GRIK2: variants seen among roughly 807,000 people sequenced by gnomAD.
GRIK2 encodes glutamate ionotropic receptor kainate type subunit 2, also known as glutamate receptor ionotropic, kainate 2.
A neutral mutation model predicts 100.3 loss-of-function variants in GRIK2; 32 were observed. The ratio of observed to expected loss-of-function variants is 0.32; its 90% confidence interval spans 0.24 to 0.43. The LOEUF is 0.43. GRIK2 is among the 20% of genes least tolerant of loss of function. The pLI is 1.00. For missense variants in GRIK2, 843 were observed against 1,114.9 expected (o/e 0.76, Z 3.47); for synonymous variants, 417 against 389.4 (o/e 1.07, Z -0.83).
intron 5 of GRIK2, among the ~76,000 whole-genome samples, chr6:101,679,958 T>G (rs563095442): frequency 6.6e-5 from 10 of 152,310 alleles, no homozygotes; most frequent in Admixed American, 6.5e-4. Flanking sequence ...CAGGCTGGTC[T>G]TGAAATCCTG....
intron 14 of GRIK2, among the ~76,000 whole-genome samples, chr6:101,984,055 A>AACTT (rs1363320650): frequency 6.6e-6 from 1 of 151,792 alleles, no homozygotes; most frequent in Admixed American, 6.6e-5. Context: ...CTTTCAAAAA[A>AACTT]ACTTATGTGC....
chr6:101,791,871 C>CT (rs892904154), intron 7 of GRIK2, among the ~76,000 whole-genome samples: 4 of 151,580 alleles, frequency 2.6e-5, no homozygotes, highest in African/African-American at 9.8e-5. Flanking sequence ...TCAGGACTTG[C>CT]TTTATGAATC....
chr6:101,759,681 A>T (rs73761412), intron 7 of GRIK2, among the ~76,000 whole-genome samples: 9,408 of 152,022 alleles, frequency 0.062, 349 homozygotes, highest in Middle Eastern at 0.11. Context: ...ACCAGCCAAC[A>T]TTTAATATTA....
At chr6:101,530,729 C>T (rs1775401197) in intron 2 of GRIK2, among the ~76,000 whole-genome samples, 2 of 151,894 alleles carry the variant, frequency 1.3e-5, no homozygotes, top group Non-Finnish European at 2.9e-5. Context: ...TGGTGACTGA[C>T]ACTGGAATTA....
At chr6:101,892,363 G>A (rs1364414399) in intron 12 of GRIK2, among the ~76,000 whole-genome samples, 2 of 152,058 alleles carry the variant, frequency 1.3e-5, no homozygotes, top group Non-Finnish European at 2.9e-5. Flanking sequence ...CATATGGATG[G>A]ATATGCACTT....
intron 14 of GRIK2, among the ~76,000 whole-genome samples, chr6:101,997,907 AAAAAAT>A (rs1794734106): frequency 1.3e-5 from 2 of 152,246 alleles, no homozygotes; most frequent in South Asian, 4.1e-4. Context: ...CAAGTAACTA[AAAAAAT>A]CTGCTTTATT....
At chr6:101,968,145 A>C (rs965090417) in intron 14 of GRIK2, among the ~76,000 whole-genome samples, 1 of 152,060 alleles carries the variant, frequency 6.6e-6, no homozygotes, top group Admixed American at 6.6e-5. Flanking sequence ...TTAAAAAAAA[A>C]CCATGCATCT....
intron 2 of GRIK2, among the ~76,000 whole-genome samples, chr6:101,401,017 T>G (rs7771786): frequency 0.14 from 21,306 of 152,158 alleles, 2,085 homozygotes; most frequent in African/African-American, 0.27. Context: ...TGTGTGTTTT[T>G]TGTGTGTGTG....
At chr6:101,412,320 T>C (rs1046846026) in intron 2 of GRIK2, among the ~76,000 whole-genome samples, 1 of 152,122 alleles carries the variant, frequency 6.6e-6, no homozygotes, top group Admixed American at 6.6e-5. Context: ...TATTGATATC[T>C]AAGTGTTTTC....
intron 7 of GRIK2, among the ~76,000 whole-genome samples, chr6:101,776,398 A>G (rs907810805): frequency 2.0e-5 from 3 of 152,192 alleles, no homozygotes; most frequent in Non-Finnish European, 4.4e-5. Flanking sequence ...TAAAGAGTAA[A>G]TAATTATGCA....
intron 16 of GRIK2, among the ~76,000 whole-genome samples, chr6:102,063,021 AAATT>A (rs1465065577): frequency 1.3e-5 from 2 of 150,672 alleles, no homozygotes; most frequent in African/African-American, 4.8e-5. Flanking sequence ...ATAGAGTCAG[AAATT>A]AATTGGAGAG....
At chr6:102,007,721 T>C (rs1051567641) in intron 14 of GRIK2, among the ~76,000 whole-genome samples, 1 of 152,202 alleles carries the variant, frequency 6.6e-6, no homozygotes, top group African/African-American at 2.4e-5. Flanking sequence ...TTTATATAAA[T>C]ACAAATTGCA....
At chr6:101,434,585 T>C (rs1215698781) in intron 2 of GRIK2, among the ~76,000 whole-genome samples, 2 of 152,192 alleles carry the variant, frequency 1.3e-5, no homozygotes, top group Non-Finnish European at 1.5e-5. Flanking sequence ...TATAGCTCTA[T>C]CGAGTTTAAC....
At chr6:101,913,873 T>C (rs150064512) in intron 12 of GRIK2, among the ~76,000 whole-genome samples, 2 of 151,660 alleles carry the variant, frequency 1.3e-5, no homozygotes, top group Admixed American at 6.6e-5. Flanking sequence ...AAAAATGATA[T>C]GACTCAGCTT....
At chr6:101,663,553 T>C (rs2254311) in intron 4 of GRIK2, among the ~76,000 whole-genome samples, 148,399 of 152,292 alleles carry the variant, frequency 0.97, 72,328 homozygotes, top group East Asian at 1. Flanking sequence ...ACAGGATGCT[T>C]CTGGATTATG....
At chr6:102,043,378 T>C (rs796440711) in intron 15 of GRIK2, among the ~76,000 whole-genome samples, 62 of 151,874 alleles carry the variant, frequency 4.1e-4, no homozygotes, top group African/African-American at 1.4e-3. Context: ...AAAAAGACCC[T>C]GTTCCTCTTA....
chr6:101,917,655 A>T (rs1005584909), intron 12 of GRIK2, among the ~76,000 whole-genome samples: 1 of 151,060 alleles, frequency 6.6e-6, no homozygotes, highest in Non-Finnish European at 1.5e-5. Flanking sequence ...TCTTTTGAGA[A>T]TTTTATATTT....
chr6:101,617,324 G>T (rs1779935916), intron 2 of GRIK2, among the ~76,000 whole-genome samples: 1 of 151,610 alleles, frequency 6.6e-6, no homozygotes, highest in Admixed American at 6.6e-5. Flanking sequence ...AACATTTTTT[G>T]AACTTTTTGA....
At chr6:101,592,299 G>T (rs923870088) in intron 2 of GRIK2, among the ~76,000 whole-genome samples, 1 of 151,726 alleles carries the variant, frequency 6.6e-6, no homozygotes, top group Non-Finnish European at 1.5e-5. Flanking sequence ...TTTCTATAGG[G>T]AAATGGAAAA....
Sources: gnomAD v4.1 joint callset for allele counts (sites outside exome capture counted in the v4.1 genomes callset) on GRCh38, gnomAD v4.1.1 for gene constraint, MANE v1.5 for transcripts, NCBI Gene and HGNC (gene_info 2026-07-23, HGNC 2026-07-21) for gene names.